FRMD4A: variants seen among roughly 807,000 people sequenced by gnomAD.
The protein encoded by FRMD4A is FERM domain-containing protein 4A.
In FRMD4A, 29 loss-of-function variants were observed where a neutral mutation model predicts 129.1. That is an observed-to-expected ratio of 0.22 (90% CI 0.17 to 0.31). FRMD4A has a LOEUF of 0.31. FRMD4A is among the 10% of genes least tolerant of loss of function. FRMD4A has a pLI of 1.00. For synonymous variants in FRMD4A, 634 were observed against 571.6 expected (o/e 1.11, Z -1.56); for missense variants, 1,272 against 1,375.8 (o/e 0.92, Z 1.19).
chr10:14,325,511 C>T (rs1417407296), intron 2 of FRMD4A, among the ~76,000 whole-genome samples: 1 of 152,234 alleles, frequency 6.6e-6, no homozygotes, highest in African/African-American at 2.4e-5. Context: ...GCTTGAACTT[C>T]AAGAACAAGT....
intron 3 of FRMD4A, among the ~76,000 whole-genome samples, chr10:13,840,123 T>G (rs1303273422): frequency 2.0e-5 from 3 of 152,196 alleles, no homozygotes; most frequent in African/African-American, 7.2e-5. Context: ...CTTCCTAAAA[T>G]TCATTCCCAA....
At chr10:13,949,864 C>T (rs773090422) in intron 2 of FRMD4A, among the ~76,000 whole-genome samples, 18 of 152,176 alleles carry the variant, frequency 1.2e-4, no homozygotes, top group South Asian at 2.1e-4. Flanking sequence ...GATTTCTCAG[C>T]GTCTTGTTTC....
chr10:13,957,169 C>A (rs937792959), intron 2 of FRMD4A, among the ~76,000 whole-genome samples: 13 of 152,212 alleles, frequency 8.5e-5, no homozygotes, highest in African/African-American at 3.1e-4. Context: ...GCAAAGCCGG[C>A]CTTGAAGCTG....
intron 3 of FRMD4A, among the ~76,000 whole-genome samples, chr10:13,840,174 GA>G (rs773578924): frequency 2.6e-5 from 4 of 152,298 alleles, no homozygotes; most frequent in East Asian, 1.9e-4. Flanking sequence ...GCTGTATTTG[GA>G]GATAGGATCT....
intron 2 of FRMD4A, among the ~76,000 whole-genome samples, chr10:14,184,125 C>CTTTTTTTTTT (rs58858936): frequency 5.1e-4 from 33 of 64,628 alleles, no homozygotes; most frequent in Non-Finnish European, 7.3e-4. Flanking sequence ...CTTTTCTTTT[C>CTTTTTTTTTT]TTTTTTTTTT....
rs180865540 is a variant in FRMD4A, at chr10:14,094,230, C to T, written c.46-235318G>A. ...CCTTCGGTTGAACCCAAATGCCAGA[C>T]GACATGGCGCGTTGCCCATCCTGGG... is the stretch of plus-strand genomic sequence containing the variant. On this transcript the variant is annotated intron_variant, in intron 2 of 24. Transcript: ENST00000357447. Among the ~76,000 whole-genome samples, 92 of 152,286 alleles carry T rather than the reference C, an allele frequency of 6.0e-4. 1 individual carries two copies. Among genetic ancestry groups the T allele is most frequent in the Admixed American group, 1.3e-3 (20 of 15,298 alleles).
intron 2 of FRMD4A, among the ~76,000 whole-genome samples, chr10:13,915,399 T>G (rs538304170): frequency 2.0e-3 from 311 of 151,724 alleles, no homozygotes; most frequent in African/African-American, 7.0e-3. Context: ...GAGGCTGGGC[T>G]CGGTGGCTCA....
chr10:13,692,898 G>C (rs1397766146), intron 15 of FRMD4A: 1 of 150,858 alleles, frequency 6.6e-6, no homozygotes. Flanking sequence ...ACAGGGTCTT[G>C]CTCTGTCACC....
intron 2 of FRMD4A, among the ~76,000 whole-genome samples, chr10:14,089,320 G>C (rs1239460994): frequency 6.6e-6 from 1 of 152,122 alleles, no homozygotes; most frequent in African/African-American, 2.4e-5. Context: ...CTTATTCCTT[G>C]TTTCCCCCGC....
At position 14,098,435 on chromosome 10, in the gene FRMD4A, G is replaced by A. The variant is rs1010904496; in HGVS notation, c.45+231623C>T. On this transcript the variant is annotated intron_variant, in intron 2 of 24. Transcript: ENST00000357447. ...CTTTTTTTTTTTGAAACAGAGTCTC[G>A]CTCTGTCACCCAGGCTGGAGTGCAC... 4.0e-5 allele frequency among the ~76,000 whole-genome samples: 6 copies of A among 148,862 alleles called. 1 individual carries two copies. Among genetic ancestry groups the A allele is most frequent in the African/African-American group, 1.5e-4 (6 of 40,226 alleles).
intron 23 of FRMD4A, 134 bp from the exon 24 acceptor site, chr10:13,652,108 C>CAGATCATACA (rs1181454350): frequency 1.4e-6 from 1 of 692,696 alleles, no homozygotes; most frequent in African/African-American, 1.7e-5. Flanking sequence ...GAGTTAGCAA[C>CAGATCATACA]AGATCATACA....
chr10:13,878,717 C>T (rs1281748396), intron 2 of FRMD4A, among the ~76,000 whole-genome samples: 1 of 151,458 alleles, frequency 6.6e-6, no homozygotes, highest in Non-Finnish European at 1.5e-5. Flanking sequence ...CACGCTACTG[C>T]ACTCCAGCCT....
rs71388168 is a variant in FRMD4A at position 14,241,683 on chromosome 10, TAAAAAAAAAAAAAAAA to T, written c.45+88359_45+88374del. On this transcript the variant is annotated intron_variant, in intron 2 of 24. Transcript: ENST00000357447. Reference sequence around the variant, plus strand: ...GGAGAGGGATTTGTTTTACCCTCCCTAAAAAAAAAAAAAAAAAAAAAAAAAAAAAAAAAAAAAAGAG... The same window carrying T: ...GGAGAGGGATTTGTTTTACCCTCCCTAAAAAAAAAAAAAAAAAAAAAAGAG... 0.014 allele frequency among the ~76,000 whole-genome samples: 329 copies of T among 23,418 alleles called. 13 individuals carry two copies. In the South Asian group the frequency reaches 0.14, roughly 10 times the overall value. The allele number at this position is 23,418 out of a possible 152,430, so 15.4% of individuals were successfully genotyped here.
intron 2 of FRMD4A, among the ~76,000 whole-genome samples, chr10:14,037,188 A>T (rs533908346): frequency 6.6e-6 from 1 of 152,286 alleles, no homozygotes; most frequent in South Asian, 2.1e-4. Flanking sequence ...CACAAATAGA[A>T]CATACTTTAC....
chr10:13,710,724 A>G (rs946848358), intron 12 of FRMD4A: 1 of 152,272 alleles, frequency 6.6e-6, no homozygotes, highest in African/African-American at 2.4e-5. Flanking sequence ...AGAAGGGCCC[A>G]GGAATGGGCT....
intron 2 of FRMD4A, among the ~76,000 whole-genome samples, chr10:14,112,217 G>A (rs1412292289): frequency 6.6e-6 from 1 of 152,062 alleles, no homozygotes; most frequent in African/African-American, 2.4e-5. Flanking sequence ...GCTGGGGAGG[G>A]CCCAGAGCAG....
chr10:14,142,148 A>C (rs1233052932), intron 2 of FRMD4A, among the ~76,000 whole-genome samples: 1 of 150,084 alleles, frequency 6.7e-6, no homozygotes, highest in East Asian at 1.9e-4. Flanking sequence ...TACAAACAAA[A>C]AAGTTTTTTT....
chr10:14,108,974 T>C (rs560793827), intron 2 of FRMD4A, among the ~76,000 whole-genome samples: 24 of 152,194 alleles, frequency 1.6e-4, no homozygotes, highest in Non-Finnish European at 2.6e-4. Flanking sequence ...TTCTGACTTA[T>C]TGATAAGGTC....
At chr10:13,750,707 A>C (rs1439182735) in intron 8 of FRMD4A, among the ~76,000 whole-genome samples, 1 of 152,190 alleles carries the variant, frequency 6.6e-6, no homozygotes, top group Non-Finnish European at 1.5e-5. Flanking sequence ...TCAGGCAGAG[A>C]ATTGTGAAAC....
Sources: allele counts gnomAD v4.1 joint callset (sites outside exome capture counted in the v4.1 genomes callset), GRCh38; gene constraint gnomAD v4.1.1; transcripts MANE v1.5; gene names NCBI Gene and HGNC (gene_info 2026-07-23, HGNC 2026-07-21).